The following INTS8 variants were observed in gnomAD, a reference collection of about 807,000 sequenced individuals.
The protein encoded by INTS8 is protein kaonashi-1.
In INTS8, 47 loss-of-function variants were observed where a neutral mutation model predicts 138.9. The ratio of observed to expected loss-of-function variants is 0.34; its 90% confidence interval spans 0.27 to 0.43. The LOEUF (loss-of-function observed/expected upper bound fraction) is 0.43, where lower values mean the gene tolerates loss of function less well. INTS8 is among the 20% of genes least tolerant of loss of function. The probability of loss-of-function intolerance (pLI) is 1.00; values close to 1 mark genes in which losing one functional copy is unlikely to be tolerated. For synonymous variants in INTS8, 392 were observed against 400.9 expected (o/e 0.98, Z 0.27); for missense variants, 996 against 1,173.0 (o/e 0.85, Z 2.20).
chr8:94,851,372 G>A (rs1379982844), intron 12 of INTS8, among the ~76,000 whole-genome samples, 181 bp from the exon 13 acceptor site: 1 of 151,928 alleles, frequency 6.6e-6, no homozygotes, highest in Non-Finnish European at 1.5e-5. Context: ...GTAAAATTTT[G>A]TTAGGTTTTC....
chr8:94,857,023 C>A (rs1273575455), intron 15 of INTS8, 45 bp downstream of exon 15: 331 of 1,121,234 alleles, frequency 3.0e-4, no homozygotes, highest in Non-Finnish European at 4.0e-4. Context: ...TCAGTACTCA[C>A]ATAATTGTGG....
At chr8:94,877,357 C>T (rs567922864) in intron 26 of INTS8, among the ~76,000 whole-genome samples, 32 of 152,194 alleles carry the variant, frequency 2.1e-4, no homozygotes, top group Non-Finnish European at 3.7e-4. Flanking sequence ...AAAATATATG[C>T]CCATTGTTTA....
intron 20 of INTS8, among the ~76,000 whole-genome samples, chr8:94,869,955 T>C (rs1306206963): frequency 6.6e-6 from 1 of 152,190 alleles, no homozygotes; most frequent in African/African-American, 2.4e-5. Flanking sequence ...CACTTAGAGG[T>C]ATATGACCTT....
rs373655217 is a variant in INTS8, at chr8:94,845,853, A to G, written c.1260+3365A>G. 4.6e-5 allele frequency among the ~76,000 whole-genome samples: 7 copies of G among 152,310 alleles called. No individual in the cohort carries two copies. In the South Asian group the frequency reaches 8.3e-4, roughly 18 times the overall value. On this transcript the variant is annotated intron_variant, in intron 10 of 26. Transcript: ENST00000523731. ...TGTTTGGAATTACATTAAATTTAGAAGCCAGTTTAGAAAGAAATTATGTCT... is the reference window on the plus strand; with the variant it reads ...TGTTTGGAATTACATTAAATTTAGAGGCCAGTTTAGAAAGAAATTATGTCT...
chr8:94,870,804 C>T (rs1056711372), intron 20 of INTS8, among the ~76,000 whole-genome samples: 5 of 152,252 alleles, frequency 3.3e-5, no homozygotes, highest in South Asian at 2.1e-4. Context: ...TAGAGCCATG[C>T]GTCTGAATCC....
intron 10 of INTS8, among the ~76,000 whole-genome samples, chr8:94,847,300 C>T (rs1312498042): frequency 6.6e-6 from 1 of 152,138 alleles, no homozygotes; most frequent in African/African-American, 2.4e-5. Flanking sequence ...CCTCTGCCTC[C>T]CAAAGTGCCT....
chr8:94,826,315 T>C (rs112956884), intron 2 of INTS8, among the ~76,000 whole-genome samples: 1 of 151,956 alleles, frequency 6.6e-6, no homozygotes, highest in Admixed American at 6.5e-5. Flanking sequence ...GGAGTCTCGC[T>C]CTGTCACCCA....
At chr8:94,866,981 A>T in intron 18 of INTS8, 159 bp from the exon 19 acceptor site, 1 of 577,868 alleles carries the variant, frequency 1.7e-6, no homozygotes, top group Non-Finnish European at 3.0e-6. Flanking sequence ...TGCGATTAAA[A>T]AGTTGATTTT....
intron 6 of INTS8, among the ~76,000 whole-genome samples, chr8:94,833,259 A>C (rs1373693132): frequency 6.6e-6 from 1 of 152,114 alleles, no homozygotes; most frequent in East Asian, 1.9e-4. Flanking sequence ...GTGCGTTTTC[A>C]GATTAGCTGT....
chr8:94,829,455 C>G (rs72676963), intron 5 of INTS8, among the ~76,000 whole-genome samples: 1 of 152,084 alleles, frequency 6.6e-6, no homozygotes, highest in Non-Finnish European at 1.5e-5. Context: ...CCCCATTGAT[C>G]TGACAGGAGG....
chr8:94,849,640 A>G, intron 11 of INTS8, 108 bp downstream of exon 11: 1 of 699,560 alleles, frequency 1.4e-6, no homozygotes, highest in Non-Finnish European at 2.4e-6. Flanking sequence ...TCTTTTAACC[A>G]GGCAGTAACT....
intron 4 of INTS8, among the ~76,000 whole-genome samples, 153 bp downstream of exon 4, chr8:94,827,946 G>A (rs1185955374): frequency 6.6e-6 from 1 of 152,186 alleles, no homozygotes; most frequent in African/African-American, 2.4e-5. Flanking sequence ...GAGTTAGAGG[G>A]GCTGGAGAGT....
At chr8:94,868,307 T>G (rs1816257978) in intron 20 of INTS8, among the ~76,000 whole-genome samples, 1 of 152,222 alleles carries the variant, frequency 6.6e-6, no homozygotes, top group Non-Finnish European at 1.5e-5. Flanking sequence ...TAGTTTGTGC[T>G]TGTCCAAGCC....
At chr8:94,871,785 C>T (rs552175678) in intron 20 of INTS8, 99 bp from the exon 21 acceptor site, 1 of 728,868 alleles carries the variant, frequency 1.4e-6, no homozygotes, top group African/African-American at 1.8e-5. Context: ...TTTATGTTCA[C>T]CTAAATCTTG....
At chr8:94,869,753 A>G (rs1400492019) in intron 20 of INTS8, among the ~76,000 whole-genome samples, 1 of 152,108 alleles carries the variant, frequency 6.6e-6, no homozygotes, top group Admixed American at 6.5e-5. Context: ...GGCCTCCCAA[A>G]GTGCTGGGAT....
At chr8:94,847,338 G>A (rs1815368366) in intron 10 of INTS8, among the ~76,000 whole-genome samples, 1 of 152,080 alleles carries the variant, frequency 6.6e-6, no homozygotes, top group South Asian at 2.1e-4. Context: ...CATGACACCT[G>A]GCCGATGCAC....
At chr8:94,861,236 G>GT (rs1484789755) in intron 16 of INTS8, among the ~76,000 whole-genome samples, 156 of 125,538 alleles carry the variant, frequency 1.2e-3, no homozygotes, top group Non-Finnish European at 2.4e-3. Context: ...GATTTCTTCA[G>GT]TTTTTCCCCC....
intron 14 of INTS8, 27 bp from the exon 15 acceptor site, chr8:94,856,750 C>T (rs372447293): frequency 5.6e-6 from 9 of 1,602,894 alleles, no homozygotes; most frequent in African/African-American, 1.3e-5. Flanking sequence ...GGAAAGGTGA[C>T]CCAGGCTATT....
chr8:94,853,420 T>C (rs1016128295), intron 13 of INTS8, among the ~76,000 whole-genome samples: 5 of 152,212 alleles, frequency 3.3e-5, no homozygotes, highest in African/African-American at 1.2e-4. Flanking sequence ...GCCAGCTTCA[T>C]ACTTAAATAG....
Sources: allele counts gnomAD v4.1 joint callset (sites outside exome capture counted in the v4.1 genomes callset), GRCh38; gene constraint gnomAD v4.1.1; transcripts MANE v1.5; gene names NCBI Gene and HGNC (gene_info 2026-07-23, HGNC 2026-07-21).